The following UNC80 variants were observed in gnomAD, a reference collection of about 807,000 sequenced individuals.
UNC80 encodes the protein protein unc-80 homolog.
UNC80 carries 164 observed loss-of-function variants against 384.6 expected under a neutral mutation model. The ratio of observed to expected loss-of-function variants is 0.43; its 90% CI spans 0.38 to 0.49. The LOEUF (loss-of-function observed/expected upper bound fraction) is 0.49. UNC80 is among the 20% of genes least tolerant of loss of function. The pLI is 0.00. For missense variants in UNC80, 3,330 were observed against 4,143.0 expected, an observed-to-expected ratio of 0.80 and a Z score of 5.39; for synonymous variants, 1,486 against 1,527.8, an observed-to-expected ratio of 0.97 and a Z score of 0.64.
chr2:209,847,569 G>T (rs2124834851), intron 21 of UNC80, among the ~76,000 whole-genome samples: 1 of 152,058 alleles, frequency 6.6e-6, no homozygotes, highest in East Asian at 1.9e-4. Context: ...GTCAGTGAAT[G>T]TTTTGATGAC....
chr2:209,831,458 G>T lies in UNC80; in HGVS notation c.2642G>T (p.Gly881Val). Reference protein sequence around the residue: ...EPVTDNKAGFGNNFTTVDNKS... With the variant: ...EPVTDNKAGFVNNFTTVDNKS... Reference sequence around the variant, plus strand: ...TGCATTCCAGACAAGGCTGGGTTTGGAAATAACTTCACCACAGTGGACAAC... The same window carrying T: ...TGCATTCCAGACAAGGCTGGGTTTGTAAATAACTTCACCACAGTGGACAAC... The change falls in exon 16 of 65, where the codon GGA (glycine) becomes GTA (valine). Residue 881 changes from glycine (G) to valine (V), a missense_variant. Gly to Val is a moderately radical substitution (Grantham distance 109). This residue lies in a region of UNC80 where 937 missense variants were observed against 1,026.8 expected (regional missense o/e 0.91). Coordinates refer to ENST00000673920, the MANE Select transcript of UNC80 (RefSeq NM_001371986.1). 6.5e-7 allele frequency: 1 copy of T among 1,548,626 alleles called. No homozygotes were observed. Among genetic ancestry groups the T allele is most frequent in the Non-Finnish European group, 8.7e-7 (1 of 1,145,998 alleles).
chr2:209,893,024 C>A (rs1239669175), intron 26 of UNC80, among the ~76,000 whole-genome samples: 1 of 152,202 alleles, frequency 6.6e-6, no homozygotes, highest in South Asian at 2.1e-4. Context: ...CATTATTCAG[C>A]AGGAATTCTT....
chr2:209,964,125 C>T (rs2092676548), intron 51 of UNC80, among the ~76,000 whole-genome samples: 1 of 152,210 alleles, frequency 6.6e-6, no homozygotes, highest in African/African-American at 2.4e-5. Context: ...CAGTTATTCA[C>T]TCTTCAGTTC....
In UNC80 at chr2:209,772,135, C is replaced by T; in HGVS notation, c.63C>T (p.Pro21=). The T allele has an allele frequency of 6.5e-7, 1 of 1,547,990 alleles. No individual in the cohort carries two copies. Among genetic ancestry groups the T allele is most frequent in the Non-Finnish European group, 8.7e-7 (1 of 1,145,806 alleles). ...ACGGCGGCCGCGGCATCCCCCTGCC[C>T]ATCCAGACCTTCCTGTGGCGGCAAA... The part of the protein sequence containing the change: ...EQDGGRGIPL[P]IQTFLWRQTS... The change falls in exon 1 of 65, where the codon CCC becomes CCT. Residue 21 remains proline, a synonymous_variant. Transcript: ENST00000673920.
At chr2:209,915,363 C>T (rs1316334913) in intron 31 of UNC80, among the ~76,000 whole-genome samples, 1 of 148,486 alleles carries the variant, frequency 6.7e-6, no homozygotes, top group Non-Finnish European at 1.5e-5. Context: ...CGAGATTGTG[C>T]CACTGCACTC....
intron 38 of UNC80, 59 bp downstream of exon 38, chr2:209,931,113 A>C (rs2090828178): frequency 7.6e-7 from 1 of 1,312,194 alleles, no homozygotes; most frequent in Non-Finnish European, 1.1e-6. Context: ...AAGGTCTTAG[A>C]AGATTTTTTT....
chr2:209,883,056 G>A (rs2085440036), intron 25 of UNC80, among the ~76,000 whole-genome samples: 1 of 151,986 alleles, frequency 6.6e-6, no homozygotes, highest in African/African-American at 2.4e-5. Flanking sequence ...TAATGTGTAC[G>A]TTTGTGTATT....
At chr2:209,928,861 C>A (rs1559345549) in intron 36 of UNC80, among the ~76,000 whole-genome samples, 1 of 152,190 alleles carries the variant, frequency 6.6e-6, no homozygotes, top group Non-Finnish European at 1.5e-5. Context: ...CTAGTTAGCA[C>A]TATTCTACTG....
chr2:209,822,234 A>G (rs2080186249), intron 13 of UNC80, among the ~76,000 whole-genome samples: 1 of 152,152 alleles, frequency 6.6e-6, no homozygotes, highest in South Asian at 2.1e-4. Context: ...AAACTATTGG[A>G]TTTTAAGTTT....
rs752558664 is a variant in UNC80 at position 209,935,786 on chromosome 2, C to T, written c.6251C>T (p.Thr2084Ile). ...ACCCAGTTACCAGTCCATGAAGACACTCAATTTGAAGCCCTGTTGAAGGTA... is the reference window on the plus strand; with the variant it reads ...ACCCAGTTACCAGTCCATGAAGACATTCAATTTGAAGCCCTGTTGAAGGTA... Reference protein sequence around the residue: ...IPTQLPVHEDTQFEALLKECL... With the variant: ...IPTQLPVHEDIQFEALLKECL... Residue 2084 changes from threonine to isoleucine, a missense_variant, in exon 40 of 65, where the codon ACT (threonine) becomes ATT (isoleucine). By Grantham distance (89) the Thr-to-Ile change is moderately conservative. Coordinates refer to ENST00000673920, the MANE Select transcript of UNC80 (RefSeq NM_001371986.1). The T allele has an allele frequency of 3.9e-6, 6 of 1,540,480 alleles. No individual in the cohort carries two copies. The South Asian group carries it at 7.3e-5, about 19-fold the overall frequency.
At chr2:209,911,896 A>G (rs1213310726) in intron 29 of UNC80, among the ~76,000 whole-genome samples, 4 of 152,204 alleles carry the variant, frequency 2.6e-5, no homozygotes, top group Non-Finnish European at 5.9e-5. Flanking sequence ...GTCCTTATGT[A>G]GATGAATCTC....
chr2:209,992,137 G>A lies in UNC80; in HGVS notation c.9315-29G>A, dbSNP rs770932724. 2.3e-5 allele frequency: 35 copies of A among 1,542,146 alleles called. No homozygotes were observed. In the South Asian group the frequency reaches 4.2e-4, roughly 18 times the overall value. On this transcript the variant is annotated intron_variant, in intron 61 of 64. Coordinates refer to ENST00000673920, the MANE Select transcript of UNC80 (RefSeq NM_001371986.1). ...GGACAGTCTCCTGTACTCTCTCCGGGGTACACTAACACTGTTGATGCTTGG... is the reference window on the plus strand; with the variant it reads ...GGACAGTCTCCTGTACTCTCTCCGGAGTACACTAACACTGTTGATGCTTGG...
intron 19 of UNC80, among the ~76,000 whole-genome samples, chr2:209,840,235 T>A (rs1253196484): frequency 6.6e-6 from 1 of 152,214 alleles, no homozygotes; most frequent in Non-Finnish European, 1.5e-5. Context: ...TAGGCAGAGA[T>A]AAATGAACAC....
chr2:209,809,263 A>G, intron 7 of UNC80: 1 of 736,372 alleles, frequency 1.4e-6, no homozygotes, highest in Non-Finnish European at 2.5e-6. Context: ...CCAATACTGC[A>G]ATAAGGAATG....
At chr2:209,891,982 A>G (rs991706047) in intron 26 of UNC80, among the ~76,000 whole-genome samples, 1 of 152,194 alleles carries the variant, frequency 6.6e-6, no homozygotes, top group South Asian at 2.1e-4. Flanking sequence ...TGAAATAATC[A>G]TTTAGAATAG....
chr2:209,935,855 G>A, intron 40 of UNC80, 47 bp downstream of exon 40: 1 of 1,133,634 alleles, frequency 8.8e-7, no homozygotes. Flanking sequence ...CAATGCTATG[G>A]CCACCTCACT....
intron 25 of UNC80, among the ~76,000 whole-genome samples, chr2:209,887,489 G>A (rs2085931541): frequency 6.6e-6 from 1 of 152,146 alleles, no homozygotes. Flanking sequence ...CCAATCTTAA[G>A]GTCCTTAGCC....
intron 42 of UNC80, among the ~76,000 whole-genome samples, chr2:209,938,861 G>A (rs2091436098): frequency 6.6e-6 from 1 of 152,022 alleles, no homozygotes; most frequent in South Asian, 2.1e-4. Flanking sequence ...TAACATGGAG[G>A]CCTATGAGTC....
intron 48 of UNC80, 160 bp downstream of exon 48, chr2:209,954,430 TCGTGAGTTATTTGA>T: frequency 1.9e-6 from 1 of 529,628 alleles, no homozygotes; most frequent in Non-Finnish European, 3.0e-6. Context: ...TGTGAACAGT[TCGTGAGTTATTTGA>T]ATAAATAATG....
Sources: allele counts gnomAD v4.1 joint callset (sites outside exome capture counted in the v4.1 genomes callset), GRCh38; gene constraint gnomAD v4.1.1; regional missense constraint gnomAD v4.1.1; transcripts MANE v1.5; gene names NCBI Gene and HGNC (gene_info 2026-07-23, HGNC 2026-07-21).